Variants in DRC11 observed in about 807,000 individuals in gnomAD.
DRC11 encodes IQ and AAA domain-containing protein 1.
At chr2:236,472,870 A>G in the DRC11 span, among the ~76,000 whole-genome samples, 1 of 152,048 alleles carries the variant, frequency 6.6e-6, no homozygotes, top group Non-Finnish European at 1.5e-5. The surrounding 1 kb of genome is among the most constrained non-coding windows in gnomAD (Gnocchi z 4.6). Flanking sequence ...CACACTCCCA[A>G]CTGTCCCCCA....
At chr2:236,392,532 A>G in the DRC11 span, 2 of 406,564 alleles carry the variant, frequency 4.9e-6, no homozygotes, top group Non-Finnish European at 8.6e-6. This position sits in a 1 kb window ranked among gnomAD's most constrained non-coding sequence, Gnocchi z 5.1. Context: ...TGAGATTCAT[A>G]TATGTGCTTG....
chr2:236,399,241 C>T, the DRC11 span, among the ~76,000 whole-genome samples: 7 of 152,176 alleles, frequency 4.6e-5, no homozygotes, highest in South Asian at 1.2e-3. This position sits in a 1 kb window ranked among gnomAD's most constrained non-coding sequence, Gnocchi z 7.0. Flanking sequence ...CTGCCCACCT[C>T]GGCCTCCCAA....
chr2:236,365,475 CA>C, the DRC11 span, among the ~76,000 whole-genome samples: 1 of 151,970 alleles, frequency 6.6e-6, no homozygotes, highest in African/African-American at 2.4e-5. The surrounding 1 kb of genome is among the most constrained non-coding windows in gnomAD (Gnocchi z 7.4). Context: ...AGCCAGCGGT[CA>C]GGGGCCCTGA....
At chr2:236,375,878 A>C in the DRC11 span, among the ~76,000 whole-genome samples, 219 of 152,364 alleles carry the variant, frequency 1.4e-3, 1 homozygote, top group African/African-American at 4.6e-3. The surrounding 1 kb of genome is among the most constrained non-coding windows in gnomAD (Gnocchi z 4.2). Flanking sequence ...CCACTTTTAC[A>C]ACTGCTACAG....
the DRC11 span, among the ~76,000 whole-genome samples, chr2:236,464,792 C>A: frequency 6.6e-6 from 1 of 152,014 alleles, no homozygotes; most frequent in Non-Finnish European, 1.5e-5. Context: ...TGAGTTCTTG[C>A]AAGATCTGGT....
chr2:236,359,552 G>A, the DRC11 span, among the ~76,000 whole-genome samples: 2 of 152,072 alleles, frequency 1.3e-5, no homozygotes, highest in Non-Finnish European at 1.5e-5. This position sits in a 1 kb window ranked among gnomAD's most constrained non-coding sequence, Gnocchi z 4.3. Flanking sequence ...GAATCCATGA[G>A]GAATCAGGCC....
the DRC11 span, among the ~76,000 whole-genome samples, chr2:236,356,742 G>A: frequency 6.6e-6 from 1 of 151,814 alleles, no homozygotes; most frequent in Non-Finnish European, 1.5e-5. Context: ...GCTGTCCCCT[G>A]GTTTACTATT....
chr2:236,326,760 AAAATGTTTT>A, the DRC11 span, among the ~76,000 whole-genome samples: 1 of 151,322 alleles, frequency 6.6e-6, no homozygotes. Context: ...TAGATTTCCT[AAAATGTTTT>A]GGAATTTTGA....
the DRC11 span, among the ~76,000 whole-genome samples, chr2:236,308,032 C>T: frequency 6.6e-6 from 1 of 152,022 alleles, no homozygotes; most frequent in South Asian, 2.1e-4. The surrounding 1 kb of genome is among the most constrained non-coding windows in gnomAD (Gnocchi z 6.0). Context: ...CTTGCAGTGA[C>T]GCAGGCGTCC....
At chr2:236,407,363 A>T in the DRC11 span, among the ~76,000 whole-genome samples, 1 of 152,196 alleles carries the variant, frequency 6.6e-6, no homozygotes, top group African/African-American at 2.4e-5. Context: ...GCAAGCTGCC[A>T]GCTGGTTACT....
the DRC11 span, among the ~76,000 whole-genome samples, chr2:236,319,805 C>T: frequency 3.9e-5 from 6 of 152,214 alleles, no homozygotes; most frequent in South Asian, 1.0e-3. This position sits in a 1 kb window ranked among gnomAD's most constrained non-coding sequence, Gnocchi z 6.7. Flanking sequence ...CACTTCATCA[C>T]GAACTCTCAG....
the DRC11 span, chr2:236,332,574 T>C: frequency 6.6e-6 from 1 of 152,212 alleles, no homozygotes; most frequent in Non-Finnish European, 1.5e-5. This position sits in a 1 kb window ranked among gnomAD's most constrained non-coding sequence, Gnocchi z 5.1. Context: ...TTTTAAAAAA[T>C]GACCATGACT....
chr2:236,368,100 G>A, the DRC11 span: 16 of 786,478 alleles, frequency 2.0e-5, no homozygotes, highest in South Asian at 2.2e-4. Context: ...AAGGAGCACT[G>A]TACTTTTGAT....
chr2:236,360,086 C>G, the DRC11 span, among the ~76,000 whole-genome samples: 294 of 152,268 alleles, frequency 1.9e-3, 1 homozygote, highest in African/African-American at 6.8e-3. This position sits in a 1 kb window ranked among gnomAD's most constrained non-coding sequence, Gnocchi z 5.8. Context: ...AGAGTGAGAA[C>G]AGAAAGATCA....
chr2:236,336,779 G>A, the DRC11 span, among the ~76,000 whole-genome samples: 308 of 152,162 alleles, frequency 2.0e-3, 1 homozygote, highest in Non-Finnish European at 9.1e-4. The surrounding 1 kb of genome is among the most constrained non-coding windows in gnomAD (Gnocchi z 7.3). Flanking sequence ...ACCGCTCCCC[G>A]CCAGTGCAGT....
At chr2:236,355,747 C>CTG in the DRC11 span, among the ~76,000 whole-genome samples, 21 of 106,398 alleles carry the variant, frequency 2.0e-4, no homozygotes, top group African/African-American at 6.5e-4. Context: ...CTCTCTCTCT[C>CTG]TCTGTGTGTG....
the DRC11 span, among the ~76,000 whole-genome samples, chr2:236,328,720 G>A: frequency 4.6e-5 from 7 of 152,110 alleles, no homozygotes; most frequent in African/African-American, 1.7e-4. The surrounding 1 kb of genome is among the most constrained non-coding windows in gnomAD (Gnocchi z 6.7). Context: ...TACTTAAGGC[G>A]ATGAACTCCT....
the DRC11 span, among the ~76,000 whole-genome samples, chr2:236,401,600 C>A: frequency 6.6e-6 from 1 of 152,168 alleles, no homozygotes; most frequent in Non-Finnish European, 1.5e-5. The surrounding 1 kb of genome is among the most constrained non-coding windows in gnomAD (Gnocchi z 4.6). Flanking sequence ...CAGAAAGGAG[C>A]GAACACAGAC....
chr2:236,457,132 G>GCCATGAGAAATA, the DRC11 span, among the ~76,000 whole-genome samples: 1 of 152,216 alleles, frequency 6.6e-6, no homozygotes, highest in Non-Finnish European at 1.5e-5. The surrounding 1 kb of genome is among the most constrained non-coding windows in gnomAD (Gnocchi z 4.7). Flanking sequence ...GGCAGTTCAA[G>GCCATGAGAAATA]CCATGAGAAA....
Sources: allele counts gnomAD v4.1 joint callset (sites outside exome capture counted in the v4.1 genomes callset), GRCh38; gene constraint gnomAD v4.1.1; non-coding constraint Gnocchi (gnomAD v3.1); transcripts MANE v1.5; gene names NCBI Gene and HGNC (gene_info 2026-07-23, HGNC 2026-07-21).